The following ZFHX4 variants were observed in gnomAD, a reference collection of about 807,000 sequenced individuals.
ZFHX4 encodes zinc finger homeobox 4.
A neutral mutation model predicts 267.6 loss-of-function variants in ZFHX4; 56 were observed. That is an observed-to-expected ratio of 0.21 (90% CI 0.17 to 0.26). ZFHX4 has a LOEUF of 0.26. Among genes scored for constraint, ZFHX4 ranks in the 10% least tolerant of loss-of-function variants. The pLI, the probability that ZFHX4 is intolerant of heterozygous loss-of-function variation, is 1.00. For synonymous variants in ZFHX4, 1,778 were observed against 1,665.6 expected (o/e 1.07, Z -1.64); for missense variants, 4,332 against 4,420.0 (o/e 0.98, Z 0.56).
intron 1 of ZFHX4, among the ~76,000 whole-genome samples, chr8:76,694,110 G>A (rs1332534521): frequency 6.6e-6 from 1 of 152,178 alleles, no homozygotes; most frequent in Non-Finnish European, 1.5e-5. Flanking sequence ...ATTGAGAGAA[G>A]AGGTTATAAC....
intron 4 of ZFHX4, among the ~76,000 whole-genome samples, chr8:76,821,635 A>G (rs957046454): frequency 1.3e-5 from 2 of 151,904 alleles, no homozygotes; most frequent in Non-Finnish European, 2.9e-5. Context: ...TTGGGAGGAA[A>G]TCGTGGGACT....
chr8:76,826,007 G>A (rs1811775671), intron 4 of ZFHX4, among the ~76,000 whole-genome samples: 1 of 152,146 alleles, frequency 6.6e-6, no homozygotes, highest in African/African-American at 2.4e-5. Flanking sequence ...AGAAATATCT[G>A]AGGCAGAGTA....
At position 76,773,423 on chromosome 8, in the gene ZFHX4, G is replaced by GTTAA. The variant is rs1226011289; in HGVS notation, c.3094-4784_3094-4781dup. 1.4e-4 allele frequency among the ~76,000 whole-genome samples: 22 copies of GTTAA among 152,216 alleles called. No homozygotes were observed. In the East Asian group the frequency reaches 4.0e-3, roughly 28 times the overall value. On this transcript the variant is annotated intron_variant, in intron 3 of 10. Transcript: ENST00000651372. Reference sequence around the variant, plus strand: ...ATCTTCATTACCAAGTTTGTTCAGTGTTAAGTTTAAGATTCAGATATCATG... The same window carrying GTTAA: ...ATCTTCATTACCAAGTTTGTTCAGTGTTAATTAAGTTTAAGATTCAGATATCATG...
intron 4 of ZFHX4, 81 bp downstream of exon 4, chr8:76,778,520 C>T: frequency 8.6e-7 from 1 of 1,156,470 alleles, no homozygotes; most frequent in Admixed American, 1.8e-5. Flanking sequence ...AACACACACA[C>T]ACACGCCTCA....
chr8:76,858,350 G>A (rs533569992), intron 10 of ZFHX4, among the ~76,000 whole-genome samples: 1 of 152,170 alleles, frequency 6.6e-6, no homozygotes. Context: ...GTCACACCAC[G>A]GATAGGAGTA....
intron 3 of ZFHX4, among the ~76,000 whole-genome samples, chr8:76,726,853 T>G (rs1808867001): frequency 6.6e-6 from 1 of 152,160 alleles, no homozygotes. Context: ...TAATTGAAAG[T>G]GTAAGGACAG....
At chr8:76,695,864 A>G (rs185334087) in intron 1 of ZFHX4, among the ~76,000 whole-genome samples, 1 of 152,322 alleles carries the variant, frequency 6.6e-6, no homozygotes, top group East Asian at 1.9e-4. Flanking sequence ...GTCATTTGAT[A>G]GCTGCACTAA....
Position 76,863,121 on chromosome 8 carries a change from T to A in ZFHX4, c.9407T>A (p.Leu3136His). ...NTLTPPGAGM[L>H]GFPTSATSSP... ...TTAACACCTCCCGGTGCAGGCATGC[T>A]TGGGTTTCCTACTTCAGCTACTTCG... The change falls in exon 11 of 11, where the codon CTT becomes CAT. Residue 3136 changes from leucine (L) to histidine (H), a missense_variant. Transcript: ENST00000651372. 1 of 1,531,992 alleles carries A rather than the reference T, an allele frequency of 6.5e-7. No homozygotes were observed. The allele number at this position is 1,531,992 out of a possible 1,614,324, so 94.9% of individuals were successfully genotyped here.
intron 3 of ZFHX4, among the ~76,000 whole-genome samples, chr8:76,723,381 T>C (rs1447553165): frequency 6.6e-6 from 1 of 152,100 alleles, no homozygotes; most frequent in Non-Finnish European, 1.5e-5. Context: ...GAGATTATGC[T>C]GAGCTTTAAC....
intron 4 of ZFHX4, among the ~76,000 whole-genome samples, chr8:76,790,041 G>A (rs895755941): frequency 1.3e-5 from 2 of 152,086 alleles, no homozygotes; most frequent in African/African-American, 4.8e-5. Context: ...CAAAATATGA[G>A]TTGTCCTATT....
chr8:76,768,510 A>C (rs890621429), intron 3 of ZFHX4, among the ~76,000 whole-genome samples: 1 of 152,206 alleles, frequency 6.6e-6, no homozygotes, highest in African/African-American at 2.4e-5. Context: ...GGGCAACATT[A>C]GAATAAGCAA....
In ZFHX4 at chr8:76,706,502, T is replaced by C; in HGVS notation, c.2414T>C (p.Ile805Thr). ...MMLLQQNMKQ[I>T]QHNLHLGLAP... ...CTTTTGCAGCAGAACATGAAGCAGA[T>C]CCAGCATAATCTGCACTTGGGCCTC... is the stretch of plus-strand genomic sequence containing the variant. Residue 805 changes from isoleucine to threonine, a missense_variant, in exon 2 of 11, where the codon ATC (isoleucine) becomes ACC (threonine). This residue lies in a region of ZFHX4 where 1,195 missense variants were observed against 1,173.6 expected (regional missense o/e 1.02). Transcript: ENST00000651372. 1 of 1,613,870 alleles carries C rather than the reference T, an allele frequency of 6.2e-7. No individual in the cohort carries two copies. Among genetic ancestry groups the C allele is most frequent in the Non-Finnish European group, 8.5e-7 (1 of 1,179,868 alleles).
intron 1 of ZFHX4, among the ~76,000 whole-genome samples, chr8:76,685,873 C>A (rs552070231): frequency 3.9e-5 from 6 of 152,196 alleles, no homozygotes; most frequent in Non-Finnish European, 8.8e-5. Context: ...CTTAGCTGAT[C>A]TATGTTAAAT....
rs368340357 is a variant in ZFHX4 at position 76,851,079 on chromosome 8, G to A, written c.4158G>A (p.Pro1386=). The part of the protein sequence containing the change: ...DQLNEQQKRQ[P]LSVSDRHVYK... ...TAAATGAACAGCAAAAAAGGCAACC[G>A]CTCTCTGTTTCTGACCGTCATGTCT... is the stretch of plus-strand genomic sequence containing the variant. Residue 1386 remains proline (P), a synonymous_variant, in exon 10 of 11, where the codon CCG becomes CCA. Transcript: ENST00000651372. 1.7e-5 allele frequency: 28 copies of A among 1,613,818 alleles called. No homozygotes were observed. Among genetic ancestry groups the A allele is most frequent in the African/African-American group, 2.7e-5 (2 of 74,914 alleles).
chr8:76,796,699 A>C (rs1038885648), intron 4 of ZFHX4, among the ~76,000 whole-genome samples: 2 of 152,050 alleles, frequency 1.3e-5, no homozygotes, highest in Non-Finnish European at 2.9e-5. Flanking sequence ...GAAAACCAGA[A>C]CCCAGGCTGG....
At chr8:76,737,092 A>G (rs1809182162) in intron 3 of ZFHX4, among the ~76,000 whole-genome samples, 1 of 152,144 alleles carries the variant, frequency 6.6e-6, no homozygotes, top group African/African-American at 2.4e-5. Context: ...AATCCTAAAA[A>G]TGGATTTACT....
chr8:76,805,180 G>T (rs1003628257), intron 4 of ZFHX4, among the ~76,000 whole-genome samples: 1 of 152,088 alleles, frequency 6.6e-6, no homozygotes, highest in Non-Finnish European at 1.5e-5. Flanking sequence ...AATCCCTCAT[G>T]TGACCTTCTA....
intron 1 of ZFHX4, among the ~76,000 whole-genome samples, chr8:76,702,708 G>C (rs1447713279): frequency 6.6e-6 from 1 of 152,140 alleles, no homozygotes; most frequent in Non-Finnish European, 1.5e-5. Flanking sequence ...ATGTGAAAGT[G>C]TTGATACTTT....
intron 10 of ZFHX4, among the ~76,000 whole-genome samples, chr8:76,857,598 T>C (rs1216811879): frequency 3.9e-5 from 6 of 152,064 alleles, no homozygotes; most frequent in Admixed American, 3.9e-4. Flanking sequence ...TTTTCTGTTC[T>C]GAGTCAGCTG....
Sources: gnomAD v4.1 joint callset for allele counts (sites outside exome capture counted in the v4.1 genomes callset) on GRCh38, gnomAD v4.1.1 for gene constraint, gnomAD v4.1.1 regional missense constraint, MANE v1.5 for transcripts, NCBI Gene and HGNC (gene_info 2026-07-23, HGNC 2026-07-21) for gene names.